The following CNTN5 variants were observed in gnomAD, a reference collection of about 807,000 sequenced individuals.
The protein encoded by CNTN5 is contactin 5, also known as contactin-5.
A neutral mutation model predicts 129.1 loss-of-function variants in CNTN5; 77 were observed. The observed-to-expected ratio is 0.60, with a 90% CI of 0.50 to 0.72. The LOEUF (loss-of-function observed/expected upper bound fraction) is 0.72, where lower values mean the gene tolerates loss of function less well. Ranked by LOEUF, CNTN5 falls within the 30% of genes least tolerant of loss-of-function variation. The pLI is 0.00. For missense variants in CNTN5, 1,478 were observed against 1,328.8 expected, an observed-to-expected ratio of 1.11 and a Z score of -1.75; for synonymous variants, 509 against 465.6, an observed-to-expected ratio of 1.09 and a Z score of -1.20.
chr11:99,327,300 G>A (rs753279961), intron 2 of CNTN5, among the ~76,000 whole-genome samples: 6 of 152,084 alleles, frequency 3.9e-5, no homozygotes, highest in Admixed American at 1.3e-4. Flanking sequence ...ATCAGCAGAT[G>A]GAAATAGAAT....
chr11:99,684,665 G>A (rs1030598857), intron 3 of CNTN5, among the ~76,000 whole-genome samples: 35 of 151,798 alleles, frequency 2.3e-4, no homozygotes, highest in Non-Finnish European at 4.4e-5. Context: ...ATGGATAGGT[G>A]CTAAATATCT....
At chr11:99,580,208 G>C (rs1949525018) in intron 3 of CNTN5, among the ~76,000 whole-genome samples, 1 of 152,136 alleles carries the variant, frequency 6.6e-6, no homozygotes, top group Non-Finnish European at 1.5e-5. Flanking sequence ...TAAGCTTTTT[G>C]ATGTGTTGCT....
At chr11:99,097,515 A>G (rs1245565085) in intron 1 of CNTN5, among the ~76,000 whole-genome samples, 2 of 151,930 alleles carry the variant, frequency 1.3e-5, no homozygotes, top group Non-Finnish European at 2.9e-5. Context: ...CCATAATAGC[A>G]TACCATACAT....
chr11:99,712,168 A>G (rs1038225888), intron 3 of CNTN5, among the ~76,000 whole-genome samples: 1 of 152,156 alleles, frequency 6.6e-6, no homozygotes, highest in African/African-American at 2.4e-5. Context: ...AATGATCGCC[A>G]TTCTAACTGG....
chr11:99,953,831 C>A (rs1229924492), intron 7 of CNTN5, among the ~76,000 whole-genome samples: 1 of 152,122 alleles, frequency 6.6e-6, no homozygotes, highest in Non-Finnish European at 1.5e-5. Context: ...CACATAGTAT[C>A]AAAAATATGC....
At chr11:99,403,279 C>A (rs1941914449) in intron 2 of CNTN5, among the ~76,000 whole-genome samples, 1 of 152,142 alleles carries the variant, frequency 6.6e-6, no homozygotes, top group African/African-American at 2.4e-5. Flanking sequence ...GGATTACAGG[C>A]ATAAGCCACC....
intron 1 of CNTN5, among the ~76,000 whole-genome samples, chr11:99,186,687 A>T (rs1858369214): frequency 6.6e-6 from 1 of 151,988 alleles, no homozygotes; most frequent in South Asian, 2.1e-4. Flanking sequence ...AGGAGATAAC[A>T]TTGACAATGG....
At chr11:99,683,483 C>T (rs994915969) in intron 3 of CNTN5, among the ~76,000 whole-genome samples, 2 of 151,758 alleles carry the variant, frequency 1.3e-5, no homozygotes, top group African/African-American at 4.8e-5. Flanking sequence ...TAATTTTGTT[C>T]CATTGGTTTA....
intron 3 of CNTN5, among the ~76,000 whole-genome samples, chr11:99,588,303 C>T (rs570113243): frequency 6.9e-6 from 1 of 144,334 alleles, no homozygotes; most frequent in South Asian, 2.3e-4. Context: ...AAGATAGCGC[C>T]ACTGCACTCC....
intron 13 of CNTN5, among the ~76,000 whole-genome samples, chr11:100,188,179 C>A (rs1948361521): frequency 6.6e-6 from 1 of 152,190 alleles, no homozygotes; most frequent in South Asian, 2.1e-4. Flanking sequence ...TGCAGTGGCT[C>A]ACTCCTGTAA....
intron 17 of CNTN5, among the ~76,000 whole-genome samples, chr11:100,270,791 C>T (rs1260390870): frequency 1.3e-5 from 2 of 152,048 alleles, no homozygotes; most frequent in African/African-American, 4.8e-5. Context: ...TCTAATTGGC[C>T]CCTTATCTGG....
chr11:99,376,640 C>T (rs1940200239), intron 2 of CNTN5, among the ~76,000 whole-genome samples: 1 of 152,106 alleles, frequency 6.6e-6, no homozygotes, highest in South Asian at 2.1e-4. Flanking sequence ...GTACTTATGC[C>T]AAATGGCAGG....
chr11:99,505,592 C>T (rs917781473), intron 2 of CNTN5, among the ~76,000 whole-genome samples: 1 of 152,128 alleles, frequency 6.6e-6, no homozygotes, highest in Admixed American at 6.5e-5. Flanking sequence ...ATAAATCCAG[C>T]CTTTGGGAAA....
chr11:99,067,775 A>C (rs1865163605), intron 1 of CNTN5, among the ~76,000 whole-genome samples: 2 of 152,158 alleles, frequency 1.3e-5, no homozygotes, highest in South Asian at 4.1e-4. Flanking sequence ...ATATTCTATG[A>C]CTCATTTATT....
intron 2 of CNTN5, among the ~76,000 whole-genome samples, chr11:99,335,336 T>A (rs969378656): frequency 3.9e-5 from 6 of 152,134 alleles, no homozygotes; most frequent in Non-Finnish European, 8.8e-5. Context: ...TAATCCTGCT[T>A]ATGAAAACAT....
chr11:99,688,204 A>G (rs926096468), intron 3 of CNTN5, among the ~76,000 whole-genome samples: 1 of 152,156 alleles, frequency 6.6e-6, no homozygotes, highest in African/African-American at 2.4e-5. Context: ...TCTGAAATAA[A>G]TGTATTTAGT....
chr11:99,026,833 A>G (rs1024137061), intron 1 of CNTN5, among the ~76,000 whole-genome samples: 3 of 151,640 alleles, frequency 2.0e-5, no homozygotes, highest in South Asian at 2.1e-4. Flanking sequence ...TTCATTTTAG[A>G]CTGTGGACAT....
At chr11:99,159,180 A>C (rs561639727) in intron 1 of CNTN5, among the ~76,000 whole-genome samples, 2 of 152,336 alleles carry the variant, frequency 1.3e-5, no homozygotes, top group Non-Finnish European at 2.9e-5. Context: ...GTTAAGTTTT[A>C]ACAAATGTAT....
intron 1 of CNTN5, among the ~76,000 whole-genome samples, chr11:99,215,308 C>T (rs1030611263): frequency 2.0e-5 from 3 of 152,114 alleles, no homozygotes; most frequent in Non-Finnish European, 2.9e-5. Flanking sequence ...GAGCTTCAAA[C>T]ATGGAAACAC....
Sources: gnomAD v4.1 joint callset for allele counts (sites outside exome capture counted in the v4.1 genomes callset) on GRCh38, gnomAD v4.1.1 for gene constraint, MANE v1.5 for transcripts, NCBI Gene and HGNC (gene_info 2026-07-23, HGNC 2026-07-21) for gene names.